The following FBXW7 variants were observed in gnomAD, a reference collection of about 807,000 sequenced individuals.
The protein encoded by FBXW7 is F-box and WD repeat domain containing 7.
Under a neutral mutation model 86.3 loss-of-function variants are expected in FBXW7, and 11 were observed. The ratio of observed to expected loss-of-function variants is 0.13; its 90% CI spans 0.08 to 0.21. FBXW7 has a LOEUF of 0.21. FBXW7 is among the 10% of genes least tolerant of loss of function. FBXW7 has a pLI of 1.00. For missense variants in FBXW7, 488 were observed against 847.4 expected, an observed-to-expected ratio of 0.58 and a Z score of 5.27; for synonymous variants, 313 against 297.9, an observed-to-expected ratio of 1.05 and a Z score of -0.52.
intron 2 of FBXW7, among the ~76,000 whole-genome samples, chr4:152,460,674 G>A (rs1009759295): frequency 2.0e-5 from 3 of 152,118 alleles, no homozygotes; most frequent in South Asian, 4.1e-4. Context: ...GATATTTCTG[G>A]CTACTTTCAA....
chr4:152,433,828 G>GA (rs1001859184), intron 2 of FBXW7, among the ~76,000 whole-genome samples: 5 of 149,358 alleles, frequency 3.3e-5, no homozygotes, highest in African/African-American at 9.8e-5. Flanking sequence ...TTCACAATCT[G>GA]AAAAAAAAAT....
intron 2 of FBXW7, among the ~76,000 whole-genome samples, chr4:152,432,535 G>C (rs551888140): frequency 6.6e-6 from 1 of 152,076 alleles, no homozygotes; most frequent in African/African-American, 2.4e-5. Context: ...AGCCAGGTGC[G>C]GTGGCTCATG....
At chr4:152,346,893 A>G (rs1434179306) in intron 6 of FBXW7, 37 bp downstream of exon 6, 1 of 1,609,398 alleles carries the variant, frequency 6.2e-7, no homozygotes, top group East Asian at 2.2e-5. Flanking sequence ...GCAGCAATTA[A>G]GTGAGGCATT....
intron 2 of FBXW7, among the ~76,000 whole-genome samples, chr4:152,476,007 GC>G (rs1262224813): frequency 6.6e-6 from 1 of 152,076 alleles, no homozygotes; most frequent in African/African-American, 2.4e-5. Context: ...TAAAGAAAAT[GC>G]AAAGGTACTA....
chr4:152,377,323 G>A (rs955782447), intron 4 of FBXW7, among the ~76,000 whole-genome samples: 1 of 151,906 alleles, frequency 6.6e-6, no homozygotes, highest in African/African-American at 2.4e-5. Flanking sequence ...AACTATTTAA[G>A]GATTAAATGG....
intron 2 of FBXW7, among the ~76,000 whole-genome samples, chr4:152,521,780 T>C (rs1474325177): frequency 2.7e-5 from 4 of 149,874 alleles, no homozygotes; most frequent in African/African-American, 9.8e-5. Flanking sequence ...AAGAGGCTCC[T>C]GAAATGGACA....
At chr4:152,515,278 C>T (rs947298082) in intron 2 of FBXW7, among the ~76,000 whole-genome samples, 18 of 152,234 alleles carry the variant, frequency 1.2e-4, no homozygotes, top group Middle Eastern at 3.4e-3. Flanking sequence ...CTAAAAAATG[C>T]AAACTAATTT....
At chr4:152,502,164 A>C (rs1043921988) in intron 2 of FBXW7, among the ~76,000 whole-genome samples, 1 of 152,220 alleles carries the variant, frequency 6.6e-6, no homozygotes, top group Admixed American at 6.5e-5. Context: ...GTGACTACTA[A>C]GCACTTGAAA....
chr4:152,476,759 G>T (rs1276747929), intron 2 of FBXW7, among the ~76,000 whole-genome samples: 1 of 152,138 alleles, frequency 6.6e-6, no homozygotes, highest in Non-Finnish European at 1.5e-5. Context: ...ATTATTGGGA[G>T]ACAATTTTCT....
Position 152,535,637 on chromosome 4 carries a change from T to A in FBXW7, c.-723A>T. 3 of 396,718 alleles carry A rather than the reference T, an allele frequency of 7.6e-6. No individual in the cohort carries two copies. The East Asian group carries it at 1.1e-4, about 14-fold the overall frequency. 24.6% of individuals were successfully genotyped at this position (396,718 alleles called of 1,614,324 possible). ...GCTCGGCGCCGCCCCCGCTCCCGGC[T>A]CCCGCATGTGTCGCTGCGGCTGGGA... On this transcript the variant is annotated 5_prime_UTR_variant, in exon 1 of 14. Coordinates refer to ENST00000281708, the MANE Select transcript of FBXW7 (RefSeq NM_001349798.2).
intron 4 of FBXW7, among the ~76,000 whole-genome samples, chr4:152,396,353 T>C (rs1736417642): frequency 6.6e-6 from 1 of 152,022 alleles, no homozygotes; most frequent in African/African-American, 2.4e-5. Context: ...GCATTTAGCA[T>C]AGTAATCTAC....
intron 2 of FBXW7, among the ~76,000 whole-genome samples, chr4:152,461,155 C>CATGTCTGTA (rs1443063511): frequency 1.3e-5 from 2 of 152,080 alleles, no homozygotes; most frequent in Non-Finnish European, 2.9e-5. Flanking sequence ...CATGTTGGTG[C>CATGTCTGTA]ATGTCTGTAA....
intron 4 of FBXW7, among the ~76,000 whole-genome samples, chr4:152,365,212 C>T (rs2126713923): frequency 6.6e-6 from 1 of 152,134 alleles, no homozygotes; most frequent in African/African-American, 2.4e-5. Flanking sequence ...GGTAGGATGG[C>T]AGGTGTAAGA....
chr4:152,396,269 A>G (rs1336324832), intron 4 of FBXW7, among the ~76,000 whole-genome samples: 1 of 151,992 alleles, frequency 6.6e-6, no homozygotes, highest in Non-Finnish European at 1.5e-5. Context: ...ATAAAATAAT[A>G]CATATCCTCA....
chr4:152,430,331 T>TG (rs1367130714), intron 2 of FBXW7, among the ~76,000 whole-genome samples: 1 of 152,198 alleles, frequency 6.6e-6, no homozygotes, highest in Non-Finnish European at 1.5e-5. Flanking sequence ...AGTTTGAGAA[T>TG]GTCAGCTACT....
At chr4:152,488,515 C>G (rs756334065) in intron 2 of FBXW7, among the ~76,000 whole-genome samples, 1 of 152,046 alleles carries the variant, frequency 6.6e-6, no homozygotes, top group Non-Finnish European at 1.5e-5. Context: ...TATGAAACAT[C>G]AGAAACCTTA....
rs775545283 is a variant in FBXW7 at position 152,321,747 on chromosome 4, C to T, written c.*1134G>A. On this transcript the variant is annotated 3_prime_UTR_variant, in exon 14 of 14. Transcript: ENST00000281708. ...AATATTTTGTCAGTTTTACGATGTACGTTCATCCATTCACCACAGCCCTCA... is the reference window on the plus strand; with the variant it reads ...AATATTTTGTCAGTTTTACGATGTATGTTCATCCATTCACCACAGCCCTCA... The T allele has an allele frequency of 3.4e-5, 8 of 232,650 alleles. No homozygotes were observed. The highest frequency in any genetic ancestry group is 5.1e-5 in the Non-Finnish European group (6 of 117,514). The allele number at this position is 232,650 out of a possible 1,614,324, so 14.4% of individuals were successfully genotyped here.
Position 152,338,084 on chromosome 4 carries a change from A to G in FBXW7, c.727-148T>C, listed in dbSNP as rs562963712. The G allele has an allele frequency of 3.7e-5, 19 of 507,662 alleles. No homozygotes were observed. In the East Asian group the frequency reaches 6.5e-4, roughly 17 times the overall value. The allele number at this position is 507,662 out of a possible 1,614,324, so 31.4% of individuals were successfully genotyped here. ...CTCCTTATAGTGACATTTTTTCCAC[A>G]AGGCATTGAAGAAGGCATTTAATTT... On this transcript the variant is annotated intron_variant, in intron 6 of 13. Transcript: ENST00000281708.
At chr4:152,401,411 T>C in intron 4 of FBXW7, among the ~76,000 whole-genome samples, 1 of 152,180 alleles carries the variant, frequency 6.6e-6, no homozygotes, top group Non-Finnish European at 1.5e-5. Context: ...AGTCAATGCA[T>C]ATTACGTAAG....
Sources: gnomAD v4.1 joint callset for allele counts (sites outside exome capture counted in the v4.1 genomes callset) on GRCh38, gnomAD v4.1.1 for gene constraint, MANE v1.5 for transcripts, NCBI Gene and HGNC (gene_info 2026-07-23, HGNC 2026-07-21) for gene names.